Variants in LRRC4C observed in about 807,000 individuals in gnomAD.
LRRC4C encodes leucine-rich repeat-containing protein 4C.
LRRC4C carries 5 observed loss-of-function variants against 33.6 expected under a neutral mutation model. The observed-to-expected ratio is 0.15, with a 90% confidence interval of 0.08 to 0.31. LRRC4C has a LOEUF of 0.31. Among genes scored for constraint, LRRC4C ranks in the 10% least tolerant of loss-of-function variants. The pLI, the probability that LRRC4C is intolerant of heterozygous loss-of-function variation, is 1.00. For synonymous variants in LRRC4C, 329 were observed against 302.0 expected (o/e 1.09, Z -0.93); for missense variants, 560 against 796.7 (o/e 0.70, Z 3.58).
At chr11:41,200,697 T>C (rs1229165440) in intron 1 of LRRC4C, among the ~76,000 whole-genome samples, 1 of 152,212 alleles carries the variant, frequency 6.6e-6, no homozygotes, top group Non-Finnish European at 1.5e-5. Flanking sequence ...CGAGTTTATC[T>C]GTGCTGAACT....
At chr11:40,652,121 C>T (rs1003768605) in intron 2 of LRRC4C, among the ~76,000 whole-genome samples, 1 of 152,144 alleles carries the variant, frequency 6.6e-6, no homozygotes, top group African/African-American at 2.4e-5. Flanking sequence ...CCGTGCACCT[C>T]CTGACTGTTA....
At chr11:41,055,523 T>C (rs1270008222) in intron 1 of LRRC4C, among the ~76,000 whole-genome samples, 2 of 152,172 alleles carry the variant, frequency 1.3e-5, no homozygotes, top group African/African-American at 4.8e-5. Flanking sequence ...CAAATTTTAA[T>C]TTTTCATGTC....
At position 41,300,421 on chromosome 11, in the gene LRRC4C, AT is replaced by A. The variant is rs5791432; in HGVS notation, c.-496+159009del. Among the ~76,000 whole-genome samples, 8 of 151,936 alleles carry A rather than the reference AT, an allele frequency of 5.3e-5. No homozygotes were observed. In the East Asian group the frequency reaches 1.5e-3, roughly 29 times the overall value. On this transcript the variant is annotated intron_variant, in intron 1 of 6. Transcript: ENST00000528697. ...CTTAGGTCCTTGGAGAACTAAGGGGATTTTTTTCCTATAAATCTCAGGTTCC... is the reference window on the plus strand; with the variant it reads ...CTTAGGTCCTTGGAGAACTAAGGGGATTTTTTCCTATAAATCTCAGGTTCC...
At chr11:41,070,256 C>T (rs1458884647) in intron 1 of LRRC4C, among the ~76,000 whole-genome samples, 1 of 152,104 alleles carries the variant, frequency 6.6e-6, no homozygotes, top group East Asian at 1.9e-4. Context: ...ACACCTTATA[C>T]AAAATTATCT....
At chr11:40,168,505 C>G (rs995436874) in intron 5 of LRRC4C, among the ~76,000 whole-genome samples, 1 of 152,156 alleles carries the variant, frequency 6.6e-6, no homozygotes, top group Non-Finnish European at 1.5e-5. Context: ...AGAAAAGAAA[C>G]CTGAAAAATC....
intron 3 of LRRC4C, among the ~76,000 whole-genome samples, chr11:40,355,206 C>T (rs888981656): frequency 1.3e-5 from 2 of 152,034 alleles, no homozygotes; most frequent in East Asian, 1.9e-4. Flanking sequence ...AAGACAAAGT[C>T]CTCTTTACTC....
chr11:40,941,236 T>A (rs1485860359), intron 1 of LRRC4C, among the ~76,000 whole-genome samples: 1 of 152,158 alleles, frequency 6.6e-6, no homozygotes, highest in Non-Finnish European at 1.5e-5. Context: ...CTATGCAGAT[T>A]AAAACAGGTT....
intron 2 of LRRC4C, among the ~76,000 whole-genome samples, chr11:40,894,963 CCT>C (rs1451642561): frequency 6.6e-6 from 1 of 151,922 alleles, no homozygotes; most frequent in Non-Finnish European, 1.5e-5. Context: ...CATCTTAGCC[CCT>C]CTAACTCATA....
chr11:40,672,024 G>A (rs1448235164), intron 2 of LRRC4C, among the ~76,000 whole-genome samples: 1 of 152,140 alleles, frequency 6.6e-6, no homozygotes, highest in Non-Finnish European at 1.5e-5. Flanking sequence ...TAGTCAAGTT[G>A]TTAGTTACTC....
At chr11:40,724,745 A>C (rs1446142543) in intron 2 of LRRC4C, among the ~76,000 whole-genome samples, 1 of 152,156 alleles carries the variant, frequency 6.6e-6, no homozygotes, top group East Asian at 1.9e-4. Context: ...AAACAAAATG[A>C]GATCAGATTT....
At chr11:40,545,325 C>T (rs888193755) in intron 3 of LRRC4C, among the ~76,000 whole-genome samples, 4 of 151,790 alleles carry the variant, frequency 2.6e-5, no homozygotes, top group South Asian at 2.1e-4. Context: ...CTGAATGAAC[C>T]GATTAGAATA....
At chr11:41,295,808 G>A (rs781099323) in intron 1 of LRRC4C, among the ~76,000 whole-genome samples, 8 of 152,166 alleles carry the variant, frequency 5.3e-5, no homozygotes, top group Non-Finnish European at 1.0e-4. Context: ...TTCTGTGAGG[G>A]AAGGGCTTGG....
chr11:40,138,170 C>CTT (rs61229648), intron 6 of LRRC4C, among the ~76,000 whole-genome samples: 1 of 141,732 alleles, frequency 7.1e-6, no homozygotes, highest in East Asian at 2.1e-4. Flanking sequence ...GACATTTTTT[C>CTT]TTTTTTTTTT....
chr11:41,288,288 A>T (rs1949892051), intron 1 of LRRC4C, among the ~76,000 whole-genome samples: 1 of 152,236 alleles, frequency 6.6e-6, no homozygotes, highest in South Asian at 2.1e-4. Context: ...ACCATTTGGT[A>T]TGACTCCAGT....
intron 1 of LRRC4C, among the ~76,000 whole-genome samples, chr11:41,342,212 C>T (rs1195844822): frequency 6.6e-6 from 1 of 152,206 alleles, no homozygotes; most frequent in Non-Finnish European, 1.5e-5. Context: ...ATACACTCTG[C>T]TGTTGTTTTC....
At chr11:40,661,539 G>A (rs1392964105) in intron 2 of LRRC4C, among the ~76,000 whole-genome samples, 1 of 152,152 alleles carries the variant, frequency 6.6e-6, no homozygotes, top group Non-Finnish European at 1.5e-5. Flanking sequence ...ACTCCAAACT[G>A]TCAATCACTG....
At chr11:40,746,986 G>T (rs1948459581) in intron 2 of LRRC4C, among the ~76,000 whole-genome samples, 1 of 152,128 alleles carries the variant, frequency 6.6e-6, no homozygotes, top group African/African-American at 2.4e-5. Context: ...CTTCCCTTTA[G>T]CCTGGCCATT....
intron 6 of LRRC4C, among the ~76,000 whole-genome samples, chr11:40,120,756 C>A (rs973757166): frequency 2.0e-5 from 3 of 152,090 alleles, no homozygotes; most frequent in African/African-American, 7.2e-5. Flanking sequence ...TCTTACTCTG[C>A]CGTTTGCTAC....
chr11:40,611,626 T>C (rs764884186), intron 3 of LRRC4C, among the ~76,000 whole-genome samples: 2 of 151,528 alleles, frequency 1.3e-5, no homozygotes, highest in Non-Finnish European at 1.5e-5. Context: ...TGAAAAGGGG[T>C]TAATATTAAA....
Sources: allele counts gnomAD v4.1 joint callset (sites outside exome capture counted in the v4.1 genomes callset), GRCh38; gene constraint gnomAD v4.1.1; transcripts MANE v1.5; gene names NCBI Gene and HGNC (gene_info 2026-07-23, HGNC 2026-07-21).